The following EIF4B variants were observed in gnomAD, a reference collection of about 807,000 sequenced individuals.
EIF4B encodes the protein eukaryotic translation initiation factor 4B.
A neutral mutation model predicts 79.3 loss-of-function variants in EIF4B; 8 were observed. That is an observed-to-expected ratio of 0.10 (90% confidence interval 0.06 to 0.18). EIF4B has a LOEUF of 0.18. Ranked by LOEUF, EIF4B falls within the 10% of genes least tolerant of loss-of-function variation. The pLI is 1.00. For missense variants in EIF4B, 515 were observed against 792.4 expected (o/e 0.65, Z 4.20); for synonymous variants, 238 against 274.7 (o/e 0.87, Z 1.32).
At chr12:53,028,302 C>A in intron 8 of EIF4B, 114 bp downstream of exon 8, 1 of 1,362,336 alleles carries the variant, frequency 7.3e-7, no homozygotes, top group South Asian at 1.5e-5. Flanking sequence ...GCACATTGTA[C>A]AGGAAGCAGC....
In EIF4B at chr12:53,042,047, T is replaced by A. The variant is rs1476020062; in HGVS notation, c.*1824T>A. The A allele has an allele frequency of 1.3e-5, 2 of 152,668 alleles. No homozygotes were observed. Among genetic ancestry groups the A allele is most frequent in the African/African-American group, 4.8e-5 (2 of 41,464 alleles). The allele number at this position is 152,668 out of a possible 1,614,324, so 9.5% of individuals were successfully genotyped here. A position where few individuals can be genotyped will look rare whatever the true frequency, so the allele number is the denominator to read the frequency against. On this transcript the variant is annotated 3_prime_UTR_variant, in exon 15 of 15. Transcript: ENST00000262056. ...TAAAATAGAAACAGGGATTGATTAA[T>A]GTCCCGCTCCTGAATACATGTAAAA...
chr12:53,009,871 AAG>A (rs1555195450), intron 1 of EIF4B, among the ~76,000 whole-genome samples: 2 of 152,244 alleles, frequency 1.3e-5, no homozygotes, highest in Admixed American at 6.5e-5. Flanking sequence ...TCATTGAAAA[AAG>A]AGGTATATTT....
intron 4 of EIF4B, among the ~76,000 whole-genome samples, chr12:53,020,377 A>G (rs1017064448): frequency 6.6e-6 from 1 of 152,256 alleles, no homozygotes; most frequent in Non-Finnish European, 1.5e-5. Context: ...AAAGGCAAAT[A>G]GAAAAATCAA....
Position 53,028,177 on chromosome 12 carries a change from G to A in EIF4B, c.968G>A (p.Arg323His), listed in dbSNP as rs768292373. 29 of 1,594,438 alleles carry A rather than the reference G, an allele frequency of 1.8e-5. No individual in the cohort carries two copies. In the South Asian group the frequency reaches 1.8e-4, roughly 10 times the overall value. The change falls in exon 8 of 15, where the codon CGT (arginine) becomes CAT (histidine). Residue 323 changes from arginine to histidine, a missense_variant. Arg to His is a conservative substitution (Grantham distance 29). Transcript: ENST00000262056. The stretch of plus-strand genomic sequence containing the variant: ...GATTACTCTCGGGATGATTATAGGC[G>A]TGATGATAGAGGTAATAGTTTTCTT... ...RDDYSRDDYR[R>H]DDRGPPQRPK...
At chr12:53,027,731 A>G (rs372518062) in intron 6 of EIF4B, 51 bp from the exon 7 acceptor site, 6 of 1,585,672 alleles carry the variant, frequency 3.8e-6, no homozygotes, top group African/African-American at 2.7e-5. Context: ...CCGTGTTTCT[A>G]TTAATGGTGT....
In EIF4B at chr12:53,007,310, A is replaced by G. The variant is rs142192846; in HGVS notation, c.13+814A>G. Among the ~76,000 whole-genome samples, 320 of 150,334 alleles carry G rather than the reference A, an allele frequency of 2.1e-3. 2 individuals carry two copies. The highest frequency in any genetic ancestry group is 7.4e-3 in the African/African-American group (302 of 40,674). ...ATTTCCTTCTAGGCTTTTTTCTCAT[A>G]CTCAATTGGAGGCATTTTTTACTCA... On this transcript the variant is annotated intron_variant, in intron 1 of 14. Coordinates refer to ENST00000262056, the MANE Select transcript of EIF4B (RefSeq NM_001417.7).
At chr12:53,032,668 TG>T (rs1378750380) in intron 8 of EIF4B, among the ~76,000 whole-genome samples, 1 of 141,856 alleles carries the variant, frequency 7.0e-6, no homozygotes, top group African/African-American at 2.8e-5. Flanking sequence ...TGGGTTTTTT[TG>T]TTTTTTTTTT....
Position 53,028,204 on chromosome 12 carries a change from T to C in EIF4B, c.979+16T>C. 5 of 1,551,704 alleles carry C rather than the reference T, an allele frequency of 3.2e-6. No homozygotes were observed. On this transcript the variant is annotated intron_variant, in intron 8 of 14. Coordinates refer to ENST00000262056, the MANE Select transcript of EIF4B (RefSeq NM_001417.7). ...GATGATAGAGGTAATAGTTTTCTTT[T>C]TACGTACTTCATGGAGCAGAAACTG...
Position 53,039,221 on chromosome 12 carries a change from C to T in EIF4B, c.1577-17C>T. The T allele has an allele frequency of 6.4e-7, 1 of 1,558,612 alleles. No individual in the cohort carries two copies. The highest frequency in any genetic ancestry group is 8.8e-7 in the Non-Finnish European group (1 of 1,139,418). On this transcript the variant is annotated splice_polypyrimidine_tract_variant and intron_variant, in intron 12 of 14. Transcript: ENST00000262056. ...CTTTTACTTGCCTTTAATTTGTTTA[C>T]ATTACTGCCCAAGCAGATGAAAATA... is the stretch of plus-strand genomic sequence containing the variant.
At chr12:53,027,097 C>T (rs1477570350) in intron 6 of EIF4B, among the ~76,000 whole-genome samples, 1 of 135,042 alleles carries the variant, frequency 7.4e-6, no homozygotes, top group Non-Finnish European at 1.5e-5. Flanking sequence ...CAAGACCAGC[C>T]TGGGCAGCAG....
At chr12:53,009,581 A>C (rs1293397924) in intron 1 of EIF4B, among the ~76,000 whole-genome samples, 1 of 152,226 alleles carries the variant, frequency 6.6e-6, no homozygotes, top group Non-Finnish European at 1.5e-5. Context: ...AATGCTTCAA[A>C]ATGCAGTCCT....
At chr12:53,011,546 A>G (rs1943063625) in intron 1 of EIF4B, among the ~76,000 whole-genome samples, 1 of 152,224 alleles carries the variant, frequency 6.6e-6, no homozygotes, top group Non-Finnish European at 1.5e-5. Flanking sequence ...TACTATTGGC[A>G]TCTAATGAGC....
At chr12:53,026,094 C>T (rs1188261222) in intron 6 of EIF4B, among the ~76,000 whole-genome samples, 3 of 150,992 alleles carry the variant, frequency 2.0e-5, no homozygotes, top group Non-Finnish European at 2.9e-5. Context: ...AGTGAGACTC[C>T]GTCTCAAAAA....
rs71095966 is a variant in EIF4B at position 53,019,450 on chromosome 12, C to CTTTTTTTTTTTTTTTTTTTTTTTTT, written c.361-436_361-435insTTTTTTTTTTTTTTTTTTTTTTTTT. 2.3e-4 allele frequency among the ~76,000 whole-genome samples: 15 copies of CTTTTTTTTTTTTTTTTTTTTTTTTT among 65,998 alleles called. 5 individuals are homozygous for CTTTTTTTTTTTTTTTTTTTTTTTTT. Among genetic ancestry groups the CTTTTTTTTTTTTTTTTTTTTTTTTT allele is most frequent in the South Asian group, 5.1e-4 (1 of 1,964 alleles). The allele number at this position is 65,998 out of a possible 152,430, so 43.3% of individuals were successfully genotyped here. ...ATATATATATATATTTTTTTTTTTT[C>CTTTTTTTTTTTTTTTTTTTTTTTTT]TTTTTTTTTTTTTTTTTTTTTTTTG... On this transcript the variant is annotated intron_variant, in intron 3 of 14. Coordinates refer to ENST00000262056, the MANE Select transcript of EIF4B (RefSeq NM_001417.7).
At chr12:53,038,018 G>C (rs1943567835) in intron 11 of EIF4B, 1 of 267,066 alleles carries the variant, frequency 3.7e-6, no homozygotes, top group African/African-American at 2.3e-5. Context: ...AGCTACTCGG[G>C]AGGCTGAGGC....
At chr12:53,015,959 C>G (rs891979053) in intron 1 of EIF4B, among the ~76,000 whole-genome samples, 2 of 131,628 alleles carry the variant, frequency 1.5e-5, no homozygotes, top group Non-Finnish European at 3.2e-5. Context: ...GCCTGGACAA[C>G]AAGAGCAAGA....
chr12:53,008,083 A>G (rs528274062), intron 1 of EIF4B, among the ~76,000 whole-genome samples: 1 of 152,364 alleles, frequency 6.6e-6, no homozygotes, highest in South Asian at 2.1e-4. Context: ...AAAGTCCTAA[A>G]TATATTTTAA....
chr12:53,017,635 C>G (rs907295883), intron 2 of EIF4B, among the ~76,000 whole-genome samples: 1 of 152,120 alleles, frequency 6.6e-6, no homozygotes, highest in Non-Finnish European at 1.5e-5. Flanking sequence ...CTCTATTGCC[C>G]AGGCTGGGGT....
chr12:53,011,220 T>C (rs1367621745), intron 1 of EIF4B, among the ~76,000 whole-genome samples: 1 of 152,192 alleles, frequency 6.6e-6, no homozygotes, highest in Non-Finnish European at 1.5e-5. Context: ...TGAGCCATTA[T>C]CTCACTACTG....
Sources: gnomAD v4.1 joint callset for allele counts (sites outside exome capture counted in the v4.1 genomes callset) on GRCh38, gnomAD v4.1.1 for gene constraint, MANE v1.5 for transcripts, NCBI Gene and HGNC (gene_info 2026-07-23, HGNC 2026-07-21) for gene names.